Variants in WWOX observed in about 807,000 individuals in gnomAD.
The protein encoded by WWOX is WW domain-containing oxidoreductase.
In WWOX, 69 loss-of-function variants were observed where a neutral mutation model predicts 46.2. That is an observed-to-expected ratio of 1.49 (90% CI 1.23 to 1.82). WWOX has a LOEUF of 1.82. WWOX is among the 40% of genes most tolerant of loss of function. The pLI, the probability that WWOX is intolerant of heterozygous loss-of-function variation, is 0.00. For missense variants in WWOX, 919 were observed against 542.6 expected (o/e 1.69, Z -6.89); for synonymous variants, 359 against 202.6 (o/e 1.77, Z -6.56).
intron 8 of WWOX, among the ~76,000 whole-genome samples, chr16:78,584,515 G>A (rs1050290862): frequency 5.9e-5 from 9 of 152,174 alleles, no homozygotes; most frequent in African/African-American, 1.7e-4. Context: ...TTCTAAGCCC[G>A]GCATATAACG....
intron 8 of WWOX, among the ~76,000 whole-genome samples, chr16:79,115,905 A>G (rs2049506538): frequency 6.6e-6 from 1 of 152,224 alleles, no homozygotes; most frequent in Admixed American, 6.5e-5. Flanking sequence ...ATTTAAAAGT[A>G]CAGGGATACC....
chr16:78,419,248 T>G (rs1018208461), intron 6 of WWOX, among the ~76,000 whole-genome samples: 1 of 152,158 alleles, frequency 6.6e-6, no homozygotes, highest in Non-Finnish European at 1.5e-5. Flanking sequence ...CAATCTCTAT[T>G]AAAATTTCAG....
At chr16:78,584,988 G>C (rs1230031349) in intron 8 of WWOX, among the ~76,000 whole-genome samples, 1 of 152,216 alleles carries the variant, frequency 6.6e-6, no homozygotes, top group African/African-American at 2.4e-5. Flanking sequence ...GGGTGCCAAA[G>C]AGGCAGAAAG....
At chr16:78,443,324 C>T (rs886190892) in intron 8 of WWOX, among the ~76,000 whole-genome samples, 16 of 151,670 alleles carry the variant, frequency 1.1e-4, no homozygotes, top group African/African-American at 3.9e-4. Context: ...AAAAAAAACC[C>T]AAAACTATAT....
Position 78,342,378 on chromosome 16 carries a change from A to G in WWOX, c.517-44482A>G, listed in dbSNP as rs1169042486. 2.5e-5 allele frequency among the ~76,000 whole-genome samples: 3 copies of G among 121,134 alleles called. 1 individual carries two copies. The highest frequency in any genetic ancestry group is 8.4e-5 in the African/African-American group (3 of 35,774). 79.5% of individuals were successfully genotyped at this position (121,134 alleles called of 152,430 possible). On this transcript the variant is annotated intron_variant, in intron 5 of 8. Coordinates refer to ENST00000566780, the MANE Select transcript of WWOX (RefSeq NM_016373.4). ...TGAAGGCAGACTTGAAGGGGACTCC[A>G]CTGTCTTGGAGCTACACTCTAAAAC...
chr16:78,229,811 C>A (rs1284976499), intron 5 of WWOX, among the ~76,000 whole-genome samples: 1 of 151,980 alleles, frequency 6.6e-6, no homozygotes, highest in African/African-American at 2.4e-5. Context: ...TTAGTTGATG[C>A]TTTGTTCTTT....
chr16:79,155,245 G>A (rs954531980), intron 8 of WWOX, among the ~76,000 whole-genome samples: 4 of 152,070 alleles, frequency 2.6e-5, no homozygotes, highest in Non-Finnish European at 4.4e-5. Flanking sequence ...GCATGGTGGC[G>A]TGTGCCTGTA....
At chr16:78,368,950 T>G (rs1294392032) in intron 5 of WWOX, among the ~76,000 whole-genome samples, 1 of 152,186 alleles carries the variant, frequency 6.6e-6, no homozygotes, top group Admixed American at 6.5e-5. Flanking sequence ...CTGCTCCTCA[T>G]AGACTTCCTG....
intron 8 of WWOX, among the ~76,000 whole-genome samples, chr16:78,449,639 A>G (rs575104308): frequency 6.6e-6 from 1 of 152,240 alleles, no homozygotes; most frequent in African/African-American, 2.4e-5. Flanking sequence ...CTGGACTGAG[A>G]GAGGCACCAA....
chr16:78,744,966 C>G (rs1342749522), intron 8 of WWOX, among the ~76,000 whole-genome samples: 2 of 152,208 alleles, frequency 1.3e-5, no homozygotes, highest in Non-Finnish European at 2.9e-5. Context: ...CTGCGCTAAG[C>G]TGACTTCATC....
chr16:78,631,866 GCT>G (rs2046439965), intron 8 of WWOX, among the ~76,000 whole-genome samples: 1 of 152,088 alleles, frequency 6.6e-6, no homozygotes, highest in African/African-American at 2.4e-5. Context: ...GGAGAAGCTT[GCT>G]CTCTTTTTAT....
Position 78,850,372 on chromosome 16 carries a change from A to C in WWOX, c.1057-361236A>C, listed in dbSNP as rs144371612. Among the ~76,000 whole-genome samples the C allele has an allele frequency of 4.9e-4, 75 of 152,322 alleles. 2 individuals are homozygous for C. The East Asian group carries it at 0.014, about 28-fold the overall frequency. On this transcript the variant is annotated intron_variant, in intron 8 of 8. Transcript: ENST00000566780. Reference sequence around the variant, plus strand: ...TCCCGAGTGTTTCACTTAACATTATAGCACAAGTGTCTTCCCCTGTTGTAA... The same window carrying C: ...TCCCGAGTGTTTCACTTAACATTATCGCACAAGTGTCTTCCCCTGTTGTAA...
chr16:78,319,617 G>A (rs915912422), intron 5 of WWOX, among the ~76,000 whole-genome samples: 1 of 152,132 alleles, frequency 6.6e-6, no homozygotes, highest in South Asian at 2.1e-4. Context: ...AAGAATAAAT[G>A]TGTGTTATTT....
chr16:78,678,943 G>A (rs2047665954), intron 8 of WWOX, among the ~76,000 whole-genome samples: 1 of 152,140 alleles, frequency 6.6e-6, no homozygotes, highest in African/African-American at 2.4e-5. Flanking sequence ...GAGTGGGCCT[G>A]GCATACGGCA....
chr16:78,521,338 G>A (rs961931907), intron 8 of WWOX, among the ~76,000 whole-genome samples: 2 of 152,100 alleles, frequency 1.3e-5, no homozygotes, highest in Non-Finnish European at 2.9e-5. Context: ...AATAAGGTAT[G>A]AGCCACCAAG....
chr16:79,057,825 C>T (rs564755867), intron 8 of WWOX, among the ~76,000 whole-genome samples: 13 of 152,230 alleles, frequency 8.5e-5, no homozygotes, highest in African/African-American at 1.7e-4. Flanking sequence ...TGCCAAGTTC[C>T]GCTGAGACTC....
intron 8 of WWOX, among the ~76,000 whole-genome samples, chr16:79,141,630 T>C (rs1386344927): frequency 1.3e-5 from 2 of 152,200 alleles, no homozygotes; most frequent in Admixed American, 1.3e-4. Flanking sequence ...AAGTTTGGGG[T>C]GAAAACACAT....
chr16:78,719,815 C>T (rs944162482), intron 8 of WWOX, among the ~76,000 whole-genome samples: 1 of 152,104 alleles, frequency 6.6e-6, no homozygotes. Flanking sequence ...ATAACAAACA[C>T]CAATCAAAAA....
chr16:79,036,510 C>G (rs2656639), intron 8 of WWOX, among the ~76,000 whole-genome samples: 19,682 of 152,212 alleles, frequency 0.13, 1,394 homozygotes, highest in African/African-American at 0.18. Flanking sequence ...CTCCGAGCAG[C>G]TCCTAAGGAA....
Sources: allele counts gnomAD v4.1 joint callset (sites outside exome capture counted in the v4.1 genomes callset), GRCh38; gene constraint gnomAD v4.1.1; transcripts MANE v1.5; gene names NCBI Gene and HGNC (gene_info 2026-07-23, HGNC 2026-07-21).